The following PHIP variants were observed in gnomAD, a reference collection of about 807,000 sequenced individuals.
PHIP encodes PH-interacting protein.
A neutral mutation model predicts 236.8 loss-of-function variants in PHIP; 54 were observed. That is an observed-to-expected ratio of 0.23 (90% confidence interval 0.18 to 0.29). The LOEUF is 0.29. Ranked by LOEUF, PHIP falls within the 10% of genes least tolerant of loss-of-function variation. The pLI is 1.00. For missense variants in PHIP, 1,370 were observed against 2,190.8 expected, an observed-to-expected ratio of 0.63 and a Z score of 7.48; for synonymous variants, 756 against 718.9, an observed-to-expected ratio of 1.05 and a Z score of -0.83.
In PHIP at chr6:78,934,829, C is replaced by T. The variant is rs1359233353; in HGVS notation, c.*5864G>A. On this transcript the variant is annotated 3_prime_UTR_variant, in exon 40 of 40. Coordinates refer to ENST00000275034, the MANE Select transcript of PHIP (RefSeq NM_017934.7). ...CTGTCAGGAATGAAGGTCAAATTCCCATTTCCCAACTCCAGGCCAGTTCAT... is the reference window on the plus strand; with the variant it reads ...CTGTCAGGAATGAAGGTCAAATTCCTATTTCCCAACTCCAGGCCAGTTCAT... Among the ~76,000 whole-genome samples the T allele has an allele frequency of 1.3e-5, 2 of 152,178 alleles. No homozygotes were observed. The highest frequency in any genetic ancestry group is 1.9e-4 in the East Asian group (1 of 5,198).
intron 39 of PHIP, among the ~76,000 whole-genome samples, chr6:78,945,039 G>A (rs1244339461): frequency 2.0e-5 from 3 of 151,618 alleles, no homozygotes; most frequent in African/African-American, 7.3e-5. Context: ...TGCTACATTG[G>A]GTTAACTATA....
intron 7 of PHIP, among the ~76,000 whole-genome samples, chr6:79,027,639 T>C (rs1040893241): frequency 1.3e-5 from 2 of 152,166 alleles, no homozygotes; most frequent in Non-Finnish European, 2.9e-5. Context: ...TAACGTCCTA[T>C]GTATTATATA....
chr6:79,004,440 T>C, intron 15 of PHIP: 1 of 982,802 alleles, frequency 1.0e-6, no homozygotes, highest in South Asian at 4.7e-5. Flanking sequence ...CTGCAACCTG[T>C]CAATCAAACA....
intron 35 of PHIP, 50 bp from the exon 36 acceptor site, chr6:78,947,825 C>A: frequency 7.6e-7 from 1 of 1,323,864 alleles, no homozygotes; most frequent in African/African-American, 1.5e-5. Flanking sequence ...CACAAAGCAT[C>A]ACTTCTCAGT....
At chr6:78,974,455 C>G (rs1767887986) in intron 24 of PHIP, among the ~76,000 whole-genome samples, 1 of 151,566 alleles carries the variant, frequency 6.6e-6, no homozygotes, top group Non-Finnish European at 1.5e-5. Flanking sequence ...CCTAACATCA[C>G]AATTAAAAGA....
chr6:78,949,585 T>C (rs965715496), intron 35 of PHIP, among the ~76,000 whole-genome samples: 1 of 152,196 alleles, frequency 6.6e-6, no homozygotes, highest in African/African-American at 2.4e-5. Flanking sequence ...TTCTAAGCTT[T>C]TCCCTGGTTT....
chr6:79,003,661 A>G lies in PHIP; in HGVS notation c.1653+69T>C, dbSNP rs1216187203. On this transcript the variant is annotated intron_variant, in intron 16 of 39. Transcript: ENST00000275034. ...AAAGATGCTGATTCTCACCCACTCC[A>G]AAAACATACAACCCCTAAACATGCA... The G allele has an allele frequency of 4.4e-6, 5 of 1,139,690 alleles. No homozygotes were observed. In the East Asian group the frequency reaches 8.1e-5, roughly 18 times the overall value. 70.6% of individuals were successfully genotyped at this position (1,139,690 alleles called of 1,614,324 possible). A position where few individuals can be genotyped will look rare whatever the true frequency, so the allele number is the denominator to read the frequency against.
Position 78,936,690 on chromosome 6 carries a change from C to A in PHIP, c.*4003G>T, listed in dbSNP as rs1208919927. ...ATTTATAGCTCATATTTTCTACTCACTGTTCTACTGCAGTGTGTACAAGGT... is the reference window on the plus strand; with the variant it reads ...ATTTATAGCTCATATTTTCTACTCAATGTTCTACTGCAGTGTGTACAAGGT... On this transcript the variant is annotated 3_prime_UTR_variant, in exon 40 of 40. Transcript: ENST00000275034. 1 of 151,856 alleles carries A rather than the reference C, an allele frequency of 6.6e-6. No homozygotes were observed. The highest frequency in any genetic ancestry group is 1.5e-5 in the Non-Finnish European group (1 of 67,768). 9.4% of individuals were successfully genotyped at this position (151,856 alleles called of 1,614,324 possible).
intron 24 of PHIP, among the ~76,000 whole-genome samples, chr6:78,974,869 T>C (rs1230161915): frequency 2.6e-5 from 4 of 151,240 alleles, no homozygotes; most frequent in African/African-American, 9.7e-5. Context: ...TCTGAAATTG[T>C]GGCAATAATC....
At chr6:79,044,170 A>G (rs1772360215) in intron 6 of PHIP, among the ~76,000 whole-genome samples, 1 of 152,026 alleles carries the variant, frequency 6.6e-6, no homozygotes, top group African/African-American at 2.4e-5. Context: ...CTAAGCAGTA[A>G]TATTTCAAAG....
chr6:79,074,242 A>G (rs1352543696), intron 4 of PHIP, among the ~76,000 whole-genome samples: 3 of 152,128 alleles, frequency 2.0e-5, no homozygotes, highest in Admixed American at 6.5e-5. Context: ...CAGATTGGCA[A>G]AACATGAACT....
At chr6:78,999,704 T>C (rs1018597873) in intron 17 of PHIP, among the ~76,000 whole-genome samples, 13 of 152,066 alleles carry the variant, frequency 8.5e-5, no homozygotes, top group Admixed American at 8.5e-4. Context: ...TGGGCTTAAA[T>C]GGTAAGAAAA....
intron 34 of PHIP, 55 bp from the exon 35 acceptor site, chr6:78,955,018 T>C (rs780470523): frequency 6.8e-6 from 9 of 1,315,788 alleles, no homozygotes; most frequent in Non-Finnish European, 9.3e-6. Context: ...CAATAAAATT[T>C]GTACTTTTAA....
chr6:79,070,030 A>G (rs1377997675), intron 4 of PHIP, among the ~76,000 whole-genome samples: 4 of 152,142 alleles, frequency 2.6e-5, no homozygotes, highest in African/African-American at 7.2e-5. Flanking sequence ...AATTTTATTC[A>G]TCATAAACCA....
At chr6:78,954,066 C>T (rs971706368) in intron 35 of PHIP, among the ~76,000 whole-genome samples, 1 of 152,084 alleles carries the variant, frequency 6.6e-6, no homozygotes, top group African/African-American at 2.4e-5. Flanking sequence ...ATAATGTCAC[C>T]TTACATTTGT....
chr6:78,940,892 A>G lies in PHIP; in HGVS notation c.5267T>C (p.Phe1756Ser). The G allele has an allele frequency of 6.2e-7, 1 of 1,613,702 alleles. No homozygotes were observed. Among genetic ancestry groups the G allele is most frequent in the African/African-American group, 1.3e-5 (1 of 74,950 alleles). ...GGGTTCAGAGCCTTTGAGTTCTTCAAACTCTTCTTCCTCATCTATAGGATC... is the reference window on the plus strand; with the variant it reads ...GGGTTCAGAGCCTTTGAGTTCTTCAGACTCTTCTTCCTCATCTATAGGATC... ...IDDPIDEEEE[F>S]EELKGSEPHM... The change falls in exon 40 of 40, where the codon TTT (phenylalanine) becomes TCT (serine). Residue 1756 changes from phenylalanine to serine, a missense_variant. Coordinates refer to ENST00000275034, the MANE Select transcript of PHIP (RefSeq NM_017934.7).
Position 78,945,383 on chromosome 6 carries a change from T to C in PHIP, c.4745A>G (p.Glu1582Gly), listed in dbSNP as rs1773752323. The C allele has an allele frequency of 6.2e-7, 1 of 1,613,580 alleles. No homozygotes were observed. The highest frequency in any genetic ancestry group is 8.5e-7 in the Non-Finnish European group (1 of 1,179,612). ...NNSAKENMEK[E>G]KPVKRKMKSS... ...CTTCATTTTACGTTTGACTGGCTTTTCCTTTTCCATGTTTTCTTTTGCAGA... is the reference window on the plus strand; with the variant it reads ...CTTCATTTTACGTTTGACTGGCTTTCCCTTTTCCATGTTTTCTTTTGCAGA... Residue 1582 changes from glutamate to glycine, a missense_variant, in exon 39 of 40, where the codon GAA becomes GGA. Glu to Gly is a moderately conservative substitution (Grantham distance 98). Around this residue, in one of 14 missense-constraint regions of PHIP, gnomAD observed 309 missense variants for 328.3 expected, o/e 0.94. Transcript: ENST00000275034.
intron 7 of PHIP, among the ~76,000 whole-genome samples, chr6:79,027,666 A>AT (rs1200437032): frequency 6.6e-6 from 1 of 152,214 alleles, no homozygotes; most frequent in East Asian, 1.9e-4. Flanking sequence ...ATAAACACTT[A>AT]TATGTCCTAA....
intron 7 of PHIP, among the ~76,000 whole-genome samples, chr6:79,036,940 A>C (rs1771969283): frequency 6.6e-6 from 1 of 150,866 alleles, no homozygotes; most frequent in African/African-American, 2.4e-5. Flanking sequence ...AAAAAAAAAA[A>C]AAAAAAGCAA....
Sources: gnomAD v4.1 joint callset for allele counts (sites outside exome capture counted in the v4.1 genomes callset) on GRCh38, gnomAD v4.1.1 for gene constraint, gnomAD v4.1.1 regional missense constraint, MANE v1.5 for transcripts, NCBI Gene and HGNC (gene_info 2026-07-23, HGNC 2026-07-21) for gene names.